The following ZNF595 variants were observed in gnomAD, a reference collection of about 807,000 sequenced individuals.
ZNF595 encodes the protein zinc finger protein 595.
Under a neutral mutation model 19.4 loss-of-function variants are expected in ZNF595, and 9 were observed. The observed-to-expected ratio is 0.46, with a 90% confidence interval of 0.28 to 0.81. The LOEUF (loss-of-function observed/expected upper bound fraction) is 0.81, where lower values mean the gene tolerates loss of function less well. Among genes scored for constraint, ZNF595 ranks in the 30% least tolerant of loss-of-function variants. The probability of loss-of-function intolerance (pLI) is 0.11; values close to 1 mark genes in which losing one functional copy is unlikely to be tolerated. For missense variants in ZNF595, 729 were observed against 736.0 expected (o/e 0.99, Z 0.11); for synonymous variants, 255 against 255.9 (o/e 1.00, Z 0.03).
At chr4:71,776 C>CCAATGGAA (rs1553797912) in intron 3 of ZNF595, among the ~76,000 whole-genome samples, 1 of 152,116 alleles carries the variant, frequency 6.6e-6, no homozygotes, top group East Asian at 1.9e-4. Flanking sequence ...TGCTGGTCAG[C>CCAATGGAA]CAATGGAAAG....
rs782528041 is a variant in ZNF595 at position 87,266 on chromosome 4, G to C, written c.1762G>C (p.Gly588Arg). 3 of 1,612,082 alleles carry C rather than the reference G, an allele frequency of 1.9e-6. No individual in the cohort carries two copies. In the Admixed American group the frequency reaches 5.0e-5, roughly 27 times the overall value. Residue 588 changes from glycine to arginine, a missense_variant, in exon 4 of 4, where the codon GGA becomes CGA. By Grantham distance (125) the Gly-to-Arg change is moderately radical (BLOSUM62 -2). This residue lies in a region of ZNF595 where 729 missense variants were observed against 675.3 expected (regional missense o/e 1.08). Coordinates refer to ENST00000610261, the MANE Select transcript of ZNF595 (RefSeq NM_182524.4). The part of the protein sequence containing the change: ...TLTKHKRIHT[G>R]EKPFTCEECG... ...TACTAAACATAAGAGAATTCATACT[G>C]GAGAGAAACCCTTCACATGTGAAGA...
rs782647250 is a variant in ZNF595 at position 87,406 on chromosome 4, C to G, written c.1902C>G (p.Thr634=). The part of the protein sequence containing the change: ...ECGKAFNRPS[T]LTVHKRIHTG... Reference sequence around the variant, plus strand: ...GCAAAGCTTTTAATCGGCCCTCAACCCTTACTGTACACAAGCGAATTCATA... The same window carrying G: ...GCAAAGCTTTTAATCGGCCCTCAACGCTTACTGTACACAAGCGAATTCATA... Residue 634 remains threonine, a synonymous_variant, in exon 4 of 4, where the codon ACC becomes ACG. Coordinates refer to ENST00000610261, the MANE Select transcript of ZNF595 (RefSeq NM_182524.4). The G allele has an allele frequency of 6.2e-7, 1 of 1,610,888 alleles. No individual in the cohort carries two copies. Among genetic ancestry groups the G allele is most frequent in the Non-Finnish European group, 8.5e-7 (1 of 1,178,342 alleles).
intron 3 of ZNF595, among the ~76,000 whole-genome samples, chr4:71,218 G>A (rs1253348860): frequency 1.3e-5 from 2 of 152,270 alleles, no homozygotes; most frequent in East Asian, 3.9e-4. Context: ...AGTTCTAATA[G>A]TGTTCTAGTT....
intron 3 of ZNF595, among the ~76,000 whole-genome samples, chr4:75,888 A>G (rs1173456283): frequency 2.0e-5 from 3 of 151,918 alleles, no homozygotes; most frequent in Admixed American, 2.0e-4. Context: ...TAAGATAACA[A>G]TTTAACTTTC....
rs781834436 is a variant in ZNF595, at chr4:86,201, T to A, written c.697T>A (p.Cys233Ser). 1.9e-6 allele frequency: 3 copies of A among 1,613,834 alleles called. No homozygotes were observed. In the African/African-American group the frequency reaches 4.0e-5, roughly 22 times the overall value. Residue 233 changes from cysteine to serine, a missense_variant, in exon 4 of 4, where the codon TGT becomes AGT. By Grantham distance (112) the Cys-to-Ser change is moderately radical. Around this residue, in one of 2 missense-constraint regions of ZNF595, gnomAD observed 729 missense variants for 675.3 expected, o/e 1.08. Transcript: ENST00000610261. ...TGEKPYTCEE[C>S]GKAFRRSTVL... ...AGAGAAACCCTACACATGTGAAGAATGTGGCAAAGCCTTTAGACGGTCCAC... is the reference window on the plus strand; with the variant it reads ...AGAGAAACCCTACACATGTGAAGAAAGTGGCAAAGCCTTTAGACGGTCCAC...
In ZNF595 at chr4:86,943, A is replaced by G. The variant is rs782790797; in HGVS notation, c.1439A>G (p.Tyr480Cys). Residue 480 changes from tyrosine to cysteine, a missense_variant, in exon 4 of 4, where the codon TAC becomes TGC. By Grantham distance (194) the Tyr-to-Cys change is radical (BLOSUM62 -2). Coordinates refer to ENST00000610261, the MANE Select transcript of ZNF595 (RefSeq NM_182524.4). ...HKKIHTGEKP[Y>C]KCEECGKAFI... ...AAAATTCATACTGGCGAGAAACCCT[A>G]CAAATGTGAAGAATGTGGCAAAGCT... The G allele has an allele frequency of 2.9e-5, 46 of 1,613,036 alleles. No individual in the cohort carries two copies. In the Middle Eastern group the frequency reaches 9.9e-4, roughly 35 times the overall value.
intron 1 of ZNF595, among the ~76,000 whole-genome samples, chr4:54,842 G>A (rs1436005617): frequency 7.0e-4 from 104 of 148,446 alleles, no homozygotes; most frequent in African/African-American, 2.6e-3. Context: ...TGTACCTGTG[G>A]CACAAACCAG....
Position 86,315 on chromosome 4 carries a change from C to G in ZNF595, c.811C>G (p.Leu271Val). 1 of 1,613,710 alleles carries G rather than the reference C, an allele frequency of 6.2e-7. No individual in the cohort carries two copies. Among genetic ancestry groups the G allele is most frequent in the Non-Finnish European group, 8.5e-7 (1 of 1,179,906 alleles). The change falls in exon 4 of 4, where the codon CTG (leucine) becomes GTG (valine). Residue 271 changes from leucine (L) to valine (V), a missense_variant. Leu to Val is a conservative substitution (Grantham distance 32). This residue lies in a region of ZNF595 where 729 missense variants were observed against 675.3 expected (regional missense o/e 1.08). Transcript: ENST00000610261. ...CAAAGCCTTTACAAGGTCCACAACA[C>G]TGAATGAACACAAGAAAATTCATAC... ...CGKAFTRSTTLNEHKKIHTGE... is the reference protein window; with the variant it reads ...CGKAFTRSTTVNEHKKIHTGE...
At chr4:82,864 T>C (rs1298402805) in intron 3 of ZNF595, among the ~76,000 whole-genome samples, 1 of 152,204 alleles carries the variant, frequency 6.6e-6, no homozygotes, top group Non-Finnish European at 1.5e-5. Context: ...TTAAGAGTTC[T>C]CTACAATTCT....
chr4:76,823 C>T (rs1465533185), intron 3 of ZNF595, among the ~76,000 whole-genome samples: 5 of 152,108 alleles, frequency 3.3e-5, no homozygotes, highest in Non-Finnish European at 7.4e-5. Context: ...TGCTGATAAC[C>T]TTATAGGGGT....
At position 87,396 on chromosome 4, in the gene ZNF595, G is replaced by A. The variant is rs781894376; in HGVS notation, c.1892G>A (p.Arg631Gln). The A allele has an allele frequency of 9.3e-6, 15 of 1,612,158 alleles. No individual in the cohort carries two copies. The highest frequency in any genetic ancestry group is 6.6e-5 in the South Asian group (6 of 90,670). The change falls in exon 4 of 4, where the codon CGG becomes CAG. Residue 631 changes from arginine (R) to glutamine (Q), a missense_variant. Physicochemically the swap from Arg to Gln is conservative, Grantham distance 43 (BLOSUM62 1). Coordinates refer to ENST00000610261, the MANE Select transcript of ZNF595 (RefSeq NM_182524.4). ...GAAGAATGTGGCAAAGCTTTTAATC[G>A]GCCCTCAACCCTTACTGTACACAAG... Reference protein sequence around the residue: ...KCEECGKAFNRPSTLTVHKRI... With the variant: ...KCEECGKAFNQPSTLTVHKRI...
intron 3 of ZNF595, among the ~76,000 whole-genome samples, chr4:83,268 T>A (rs1713990169): frequency 6.6e-6 from 1 of 152,124 alleles, no homozygotes; most frequent in South Asian, 2.1e-4. Flanking sequence ...AAGTTTTTTC[T>A]TTCATCTTGC....
intron 3 of ZNF595, among the ~76,000 whole-genome samples, chr4:82,783 T>G (rs1713971533): frequency 6.6e-6 from 1 of 152,202 alleles, no homozygotes; most frequent in Non-Finnish European, 1.5e-5. Flanking sequence ...GACTTTTTTG[T>G]AGCCTAACAG....
At chr4:84,526 A>G (rs1363011755) in intron 3 of ZNF595, among the ~76,000 whole-genome samples, 1 of 152,146 alleles carries the variant, frequency 6.6e-6, no homozygotes, top group Non-Finnish European at 1.5e-5. Context: ...CTATATCACA[A>G]TTCCCTCTTG....
rs1560096644 is a variant in ZNF595, at chr4:87,442, A to C, written c.1938A>C (p.Glu646Asp). 6.3e-7 allele frequency: 1 copy of C among 1,575,034 alleles called. No homozygotes were observed. Among genetic ancestry groups the C allele is most frequent in the Non-Finnish European group, 8.6e-7 (1 of 1,160,520 alleles). Reference protein sequence around the residue: ...TVHKRIHTGKEHS With the variant: ...TVHKRIHTGKDHS Reference sequence around the variant, plus strand: ...ACAAGCGAATTCATACTGGCAAGGAACATAGTTGAATGACATTTCTAGTAA... The same window carrying C: ...ACAAGCGAATTCATACTGGCAAGGACCATAGTTGAATGACATTTCTAGTAA... The change falls in exon 4 of 4, where the codon GAA (glutamate) becomes GAC (aspartate). Residue 646 changes from glutamate (E) to aspartate (D), a missense_variant. This residue lies in a region of ZNF595 where 729 missense variants were observed against 675.3 expected (regional missense o/e 1.08). Transcript: ENST00000610261.
At chr4:74,492 G>A (rs1553798374) in intron 3 of ZNF595, among the ~76,000 whole-genome samples, 1 of 152,196 alleles carries the variant, frequency 6.6e-6, no homozygotes, top group African/African-American at 2.4e-5. Context: ...ACAGGTCTCA[G>A]TTAATTTAGA....
intron 3 of ZNF595, among the ~76,000 whole-genome samples, chr4:66,400 C>G (rs1340389727): frequency 4.0e-5 from 6 of 150,762 alleles, no homozygotes; most frequent in Admixed American, 4.0e-4. Flanking sequence ...GGCTTTTCTG[C>G]TGCTTAGGTG....
At chr4:54,517 A>T (rs1712533377) in intron 1 of ZNF595, among the ~76,000 whole-genome samples, 1 of 152,008 alleles carries the variant, frequency 6.6e-6, no homozygotes, top group Non-Finnish European at 1.5e-5. Context: ...TCTGAGAAAC[A>T]TCCCTTCCCT....
chr4:82,852 G>A (rs147798922), intron 3 of ZNF595, among the ~76,000 whole-genome samples: 5 of 152,094 alleles, frequency 3.3e-5, no homozygotes, highest in Non-Finnish European at 7.4e-5. Flanking sequence ...TTCTGCTTTT[G>A]TTTAAGAGTT....
Sources: gnomAD v4.1 joint callset for allele counts (sites outside exome capture counted in the v4.1 genomes callset) on GRCh38, gnomAD v4.1.1 for gene constraint, gnomAD v4.1.1 regional missense constraint, MANE v1.5 for transcripts, NCBI Gene and HGNC (gene_info 2026-07-23, HGNC 2026-07-21) for gene names.